SDCCAG8: variants seen among roughly 807,000 people sequenced by gnomAD.
SDCCAG8 encodes the protein SHH signaling and ciliogenesis regulator SDCCAG8.
Under a neutral mutation model 101.8 loss-of-function variants are expected in SDCCAG8, and 74 were observed. That is an observed-to-expected ratio of 0.73 (90% CI 0.60 to 0.88). The LOEUF is 0.88. SDCCAG8 is among the 40% of genes least tolerant of loss of function. The pLI is 0.00. For synonymous variants in SDCCAG8, 281 were observed against 292.9 expected (o/e 0.96, Z 0.41); for missense variants, 787 against 822.6 (o/e 0.96, Z 0.53).
rs747460316 is a variant in SDCCAG8, at chr1:243,293,136, G to A, written c.592G>A (p.Val198Met). The A allele has an allele frequency of 1.9e-6, 3 of 1,614,130 alleles. No homozygotes were observed. The highest frequency in any genetic ancestry group is 2.2e-5 in the South Asian group (2 of 91,078). ...GATTACAACAGGTGAAGATTCTGGG[G>A]TGGGCGAAACCTCCAAAAGACCATT... The part of the protein sequence containing the change: ...SWITTGEDSG[V>M]GETSKRPFSH... Residue 198 changes from valine to methionine, a missense_variant, in exon 6 of 18, where the codon GTG becomes ATG. Val to Met is a conservative substitution (Grantham distance 21). Transcript: ENST00000366541.
intron 16 of SDCCAG8, among the ~76,000 whole-genome samples, chr1:243,455,380 C>T (rs2083665059): frequency 2.6e-5 from 4 of 152,198 alleles, no homozygotes; most frequent in African/African-American, 9.6e-5. Flanking sequence ...AGCAATTCTC[C>T]TGCCTCAGCC....
intron 16 of SDCCAG8, among the ~76,000 whole-genome samples, chr1:243,468,651 C>G (rs538116103): frequency 1.3e-5 from 2 of 152,314 alleles, no homozygotes; most frequent in Admixed American, 6.5e-5. Flanking sequence ...CATGCCAGTG[C>G]ACTCCAGCCT....
chr1:243,322,388 T>C (rs902298674), intron 9 of SDCCAG8, among the ~76,000 whole-genome samples: 1 of 152,162 alleles, frequency 6.6e-6, no homozygotes, highest in Admixed American at 6.5e-5. Context: ...CAGAAATATA[T>C]GCATCTACTA....
intron 13 of SDCCAG8, among the ~76,000 whole-genome samples, chr1:243,391,005 C>A (rs1331013297): frequency 6.6e-6 from 1 of 152,106 alleles, no homozygotes; most frequent in Non-Finnish European, 1.5e-5. Context: ...CGCTGTATTG[C>A]CCAGCCTGGC....
intron 9 of SDCCAG8, among the ~76,000 whole-genome samples, chr1:243,324,843 C>T (rs2149342198): frequency 6.6e-6 from 1 of 152,326 alleles, no homozygotes; most frequent in Admixed American, 6.5e-5. Flanking sequence ...TTCTCTTTCA[C>T]TCTACTCTTT....
At position 243,440,566 on chromosome 1, in the gene SDCCAG8, A is replaced by G. The variant is rs554445264; in HGVS notation, c.1985+14008A>G. ...TGGGAAATGGCTGGAAGGCATTGAC[A>G]TGGGGTTGGAGCTGTGTGTAAGGCC... On this transcript the variant is annotated intron_variant, in intron 16 of 17. Coordinates refer to ENST00000366541, the MANE Select transcript of SDCCAG8 (RefSeq NM_006642.5). 9.9e-5 allele frequency among the ~76,000 whole-genome samples: 15 copies of G among 152,282 alleles called. 1 individual carries two copies. The South Asian group carries it at 2.5e-3, about 25-fold the overall frequency.
At chr1:243,360,803 T>C (rs938442167) in intron 12 of SDCCAG8, among the ~76,000 whole-genome samples, 16 of 151,904 alleles carry the variant, frequency 1.1e-4, no homozygotes, top group African/African-American at 3.1e-4. Flanking sequence ...GCCTGGGCAA[T>C]AGAGTGAGAC....
chr1:243,462,556 C>T (rs1225578865), intron 16 of SDCCAG8, among the ~76,000 whole-genome samples: 1 of 152,156 alleles, frequency 6.6e-6, no homozygotes, highest in South Asian at 2.1e-4. Context: ...TCCACTGTAT[C>T]CCAACGCCCA....
intron 11 of SDCCAG8, among the ~76,000 whole-genome samples, chr1:243,342,503 AT>A (rs1385036706): frequency 2.0e-5 from 3 of 152,240 alleles, no homozygotes; most frequent in Non-Finnish European, 4.4e-5. Flanking sequence ...GGATAAAATA[AT>A]TTTAAATAAG....
chr1:243,372,491 C>G (rs1217922606), intron 12 of SDCCAG8, among the ~76,000 whole-genome samples: 2 of 151,982 alleles, frequency 1.3e-5, no homozygotes, highest in African/African-American at 4.8e-5. Context: ...TATAATTTTT[C>G]AAATAGGTTT....
chr1:243,462,934 C>T (rs144565774), intron 16 of SDCCAG8, among the ~76,000 whole-genome samples: 2,023 of 152,254 alleles, frequency 0.013, 16 homozygotes, highest in Middle Eastern at 0.024. Flanking sequence ...GCAACCAACT[C>T]TCTGCTTCCA....
intron 9 of SDCCAG8, among the ~76,000 whole-genome samples, chr1:243,326,703 G>A (rs2074173999): frequency 6.6e-6 from 1 of 152,108 alleles, no homozygotes; most frequent in Admixed American, 6.5e-5. Context: ...TAAAGTTTAT[G>A]TTCAAAGGTG....
At chr1:243,417,613 ACT>A (rs917474482) in intron 14 of SDCCAG8, among the ~76,000 whole-genome samples, 1 of 152,032 alleles carries the variant, frequency 6.6e-6, no homozygotes, top group South Asian at 2.1e-4. Context: ...AATTTTTGAC[ACT>A]CTGTTTATAG....
At chr1:243,376,937 G>A (rs1419185498) in intron 12 of SDCCAG8, among the ~76,000 whole-genome samples, 1 of 152,114 alleles carries the variant, frequency 6.6e-6, no homozygotes, top group Non-Finnish European at 1.5e-5. Context: ...CAATTAAAGA[G>A]CTTTCATAAT....
intron 12 of SDCCAG8, among the ~76,000 whole-genome samples, chr1:243,348,963 G>A (rs2075917912): frequency 6.6e-6 from 1 of 151,272 alleles, no homozygotes; most frequent in African/African-American, 2.4e-5. Flanking sequence ...TCCAGCCTGG[G>A]CAACAAGAGC....
chr1:243,493,160 G>A (rs1427397230), intron 17 of SDCCAG8, among the ~76,000 whole-genome samples: 6 of 146,862 alleles, frequency 4.1e-5, no homozygotes, highest in African/African-American at 1.2e-4. Flanking sequence ...ACTGGGCTGG[G>A]TAGTCGCACT....
At chr1:243,480,068 A>C (rs913270257) in intron 16 of SDCCAG8, among the ~76,000 whole-genome samples, 3 of 151,324 alleles carry the variant, frequency 2.0e-5, no homozygotes, top group Non-Finnish European at 2.9e-5. Flanking sequence ...CCCATTTCCA[A>C]GTTCAGCACT....
At chr1:243,390,831 G>A (rs148325927) in intron 13 of SDCCAG8, among the ~76,000 whole-genome samples, 3 of 152,296 alleles carry the variant, frequency 2.0e-5, no homozygotes, top group African/African-American at 7.2e-5. Flanking sequence ...TCTCATAGTA[G>A]CCCTAAGCCA....
chr1:243,303,636 T>A (rs1362398219), intron 6 of SDCCAG8, among the ~76,000 whole-genome samples: 2 of 152,214 alleles, frequency 1.3e-5, no homozygotes, highest in African/African-American at 4.8e-5. Flanking sequence ...CCTAATAACA[T>A]TATCTTTTCT....
Sources: gnomAD v4.1 joint callset for allele counts (sites outside exome capture counted in the v4.1 genomes callset) on GRCh38, gnomAD v4.1.1 for gene constraint, MANE v1.5 for transcripts, NCBI Gene and HGNC (gene_info 2026-07-23, HGNC 2026-07-21) for gene names.